The following FAM234A variants were observed in gnomAD, a reference collection of about 807,000 sequenced individuals.
FAM234A encodes the protein protein FAM234A.
Under a neutral mutation model 49.1 loss-of-function variants are expected in FAM234A, and 42 were observed. The ratio of observed to expected loss-of-function variants is 0.86; its 90% CI spans 0.67 to 1.11. FAM234A has a LOEUF of 1.11. FAM234A is among the 50% of genes least tolerant of loss of function. FAM234A has a pLI of 0.00. For synonymous variants in FAM234A, 369 were observed against 316.2 expected, an observed-to-expected ratio of 1.17 and a Z score of -1.77; for missense variants, 815 against 745.2, an observed-to-expected ratio of 1.09 and a Z score of -1.09.
At chr16:260,513 C>G in intron 5 of FAM234A, 1 of 492,170 alleles carries the variant, frequency 2.0e-6, no homozygotes, top group Admixed American at 2.3e-5. Flanking sequence ...CAGGGCGAGC[C>G]CAGAACATGA....
Position 234,834 on chromosome 16 carries a change from T to G in FAM234A, c.-163T>G, listed in dbSNP as rs7202423. 1 allele frequency: 152,808 copies of G among 152,808 alleles called. 76,404 individuals are homozygous for G. Among genetic ancestry groups the G allele is most frequent in the Non-Finnish European group, 1 (68,208 of 68,208 alleles). 9.5% of individuals were successfully genotyped at this position (152,808 alleles called of 1,614,324 possible). A position where few individuals can be genotyped will look rare whatever the true frequency, so the allele number is the denominator to read the frequency against. ...CCAGGGGGCGGGGCCAGCGGCGCGG[T>G]CGGGTGAGAGGCCGCGGCGGCAGGT... On this transcript the variant is annotated 5_prime_UTR_variant, in exon 1 of 13. Coordinates refer to ENST00000399932, the MANE Select transcript of FAM234A (RefSeq NM_032039.4).
At chr16:244,433 T>TG (rs1226831613) in intron 1 of FAM234A, among the ~76,000 whole-genome samples, 1 of 152,170 alleles carries the variant, frequency 6.6e-6, no homozygotes, top group Non-Finnish European at 1.5e-5. Context: ...AAAGGACTCC[T>TG]GCCTTTGGAA....
intron 1 of FAM234A, among the ~76,000 whole-genome samples, chr16:244,250 G>C (rs1488626020): frequency 1.3e-5 from 2 of 152,198 alleles, no homozygotes; most frequent in African/African-American, 4.8e-5. Context: ...TTACAGGCGT[G>C]AGCCACCGCG....
At chr16:269,632 C>A, downstream of FAM234A, 1 of 1,402,024 alleles carries the variant, frequency 7.1e-7, no homozygotes, top group Non-Finnish European at 1.0e-6. Flanking sequence ...CTCCTCACCT[C>A]TCAGCCAGCT....
chr16:236,781 C>G (rs527402611), intron 1 of FAM234A, among the ~76,000 whole-genome samples: 1 of 124,286 alleles, frequency 8.0e-6, no homozygotes, highest in Non-Finnish European at 1.9e-5. Context: ...TGGCGGGCGC[C>G]TGTAGTCCCA....
At chr16:242,625 T>A (rs2142248216) in intron 1 of FAM234A, among the ~76,000 whole-genome samples, 1 of 151,678 alleles carries the variant, frequency 6.6e-6, no homozygotes, top group Middle Eastern at 3.4e-3. Flanking sequence ...TTTTTTTTTT[T>A]TTTCTGAGAC....
chr16:244,190 G>T (rs55985014), intron 1 of FAM234A, among the ~76,000 whole-genome samples: 8 of 152,026 alleles, frequency 5.3e-5, no homozygotes, highest in African/African-American at 7.2e-5. Flanking sequence ...GGATGGTCTC[G>T]ATCTCCTGAC....
At chr16:248,079 T>C (rs2050876916) in intron 1 of FAM234A, among the ~76,000 whole-genome samples, 1 of 152,092 alleles carries the variant, frequency 6.6e-6, no homozygotes, top group African/African-American at 2.4e-5. Context: ...TGTTTCTGTC[T>C]TCCCTCACAC....
rs373218970 is a variant in FAM234A, at chr16:262,253, C to T, written c.841+28C>T. ...ACGTTGTTTCTGCCACATCCCTGGC[C>T]AGCCTCACTCGTGGAGCATGACTGC... On this transcript the variant is annotated intron_variant, in intron 7 of 12. Transcript: ENST00000399932. 42 of 1,612,028 alleles carry T rather than the reference C, an allele frequency of 2.6e-5. No individual in the cohort carries two copies. The East Asian group carries it at 3.1e-4, about 12-fold the overall frequency.
In FAM234A at chr16:238,537, G is replaced by C. The variant is rs950056114; in HGVS notation, c.-140+3680G>C. Among the ~76,000 whole-genome samples the C allele has an allele frequency of 3.5e-4, 53 of 151,826 alleles. No homozygotes were observed. The South Asian group carries it at 8.5e-3, about 24-fold the overall frequency. Reference sequence around the variant, plus strand: ...ATCCCAGCCCTTTGGGAGGCCAAGGGGGGCAGATCATGAGGTCAGGAGATC... The same window carrying C: ...ATCCCAGCCCTTTGGGAGGCCAAGGCGGGCAGATCATGAGGTCAGGAGATC... On this transcript the variant is annotated intron_variant, in intron 1 of 12. Transcript: ENST00000399932.
intron 10 of FAM234A, 120 bp downstream of exon 10, chr16:263,895 G>C (rs1425101775): frequency 7.1e-7 from 1 of 1,400,838 alleles, no homozygotes. Context: ...AGAAGGTTCT[G>C]CCTCCCTCAG....
rs563022484 is a variant in FAM234A, at chr16:246,503, T to G, written c.-139-3046T>G. ...GGTGCGATCTTGGCTCACTGCAAGCTCTGCCTCCCGGGTTCACGCCATTCT... is the reference window on the plus strand; with the variant it reads ...GGTGCGATCTTGGCTCACTGCAAGCGCTGCCTCCCGGGTTCACGCCATTCT... On this transcript the variant is annotated intron_variant, in intron 1 of 12. Coordinates refer to ENST00000399932, the MANE Select transcript of FAM234A (RefSeq NM_032039.4). 1.4e-4 allele frequency among the ~76,000 whole-genome samples: 20 copies of G among 138,260 alleles called. No homozygotes were observed. In the East Asian group the frequency reaches 4.7e-3, roughly 32 times the overall value. 90.7% of individuals were successfully genotyped at this position (138,260 alleles called of 152,430 possible).
At chr16:238,782 AAAAAG>A (rs1168947575) in intron 1 of FAM234A, among the ~76,000 whole-genome samples, 1 of 137,484 alleles carries the variant, frequency 7.3e-6, no homozygotes, top group Non-Finnish European at 1.6e-5. Flanking sequence ...AAAAAAAAAA[AAAAAG>A]AAAAAAAAAA....
intron 3 of FAM234A, among the ~76,000 whole-genome samples, chr16:255,180 G>A (rs1052292594): frequency 6.6e-6 from 1 of 152,010 alleles, no homozygotes; most frequent in African/African-American, 2.4e-5. Flanking sequence ...GGTAAAGATG[G>A]GGTTTTACCA....
At chr16:263,213 G>A (rs1440224766) in intron 8 of FAM234A, 49 bp from the exon 9 acceptor site, 7 of 1,598,086 alleles carry the variant, frequency 4.4e-6, no homozygotes, top group Non-Finnish European at 5.1e-6. Flanking sequence ...CTGGGTGCCT[G>A]AGGCCGCCCC....
rs757158347 is a variant in FAM234A at position 261,470 on chromosome 16, G to A, written c.664G>A (p.Asp222Asn). 13 of 1,612,660 alleles carry A rather than the reference G, an allele frequency of 8.1e-6. No homozygotes were observed. Among genetic ancestry groups the A allele is most frequent in the Admixed American group, 3.3e-5 (2 of 59,928 alleles). ...PLLQVPDVDG[D>N]GAPDLLVLTQ... ...GCTGCAGGTGCCTGATGTGGACGGC[G>A]ATGGGGCCCCAGACCTGCTGGTTCT... Residue 222 changes from aspartate to asparagine, a missense_variant, in exon 6 of 13, where the codon GAT becomes AAT. Physicochemically the swap from Asp to Asn is conservative, Grantham distance 23. Transcript: ENST00000399932.
chr16:265,009 A>G lies in FAM234A; in HGVS notation c.1646A>G (p.Gln549Arg), dbSNP rs140871153. ...GACCGGTTCTCCCGGCTGCGGTACCAGAGTGAGGCGTAGAGGCACGCCAGC... is the reference window on the plus strand; with the variant it reads ...GACCGGTTCTCCCGGCTGCGGTACCGGAGTGAGGCGTAGAGGCACGCCAGC... ...IRDRFSRLRY[Q>R]SEA is the part of the protein sequence containing the mutation. The change falls in exon 13 of 13, where the codon CAG becomes CGG. Residue 549 changes from glutamine (Q) to arginine (R), a missense_variant. Gln to Arg is a conservative substitution (Grantham distance 43). Coordinates refer to ENST00000399932, the MANE Select transcript of FAM234A (RefSeq NM_032039.4). The G allele has an allele frequency of 3.3e-3, 5,349 of 1,607,570 alleles. 85 individuals are homozygous for G. The East Asian group carries it at 0.042, about 13-fold the overall frequency.
At chr16:256,559 A>T (rs2051240860) in intron 3 of FAM234A, among the ~76,000 whole-genome samples, 1 of 151,554 alleles carries the variant, frequency 6.6e-6, no homozygotes, top group African/African-American at 2.4e-5. Flanking sequence ...AAAATAATTT[A>T]TTTTTATTTA....
chr16:243,991 C>T (rs1463994000), intron 1 of FAM234A, among the ~76,000 whole-genome samples: 6 of 148,136 alleles, frequency 4.1e-5, no homozygotes, highest in East Asian at 4.0e-4. Flanking sequence ...TTTTTTGAGT[C>T]GGAGTCTTGC....
Sources: allele counts gnomAD v4.1 joint callset (sites outside exome capture counted in the v4.1 genomes callset), GRCh38; gene constraint gnomAD v4.1.1; transcripts MANE v1.5; gene names NCBI Gene and HGNC (gene_info 2026-07-23, HGNC 2026-07-21).